AFMID: variants seen among roughly 807,000 people sequenced by gnomAD.
The protein encoded by AFMID is arylformamidase.
Under a neutral mutation model 47.5 loss-of-function variants are expected in AFMID, and 39 were observed. The observed-to-expected ratio is 0.82, with a 90% CI of 0.64 to 1.07. The LOEUF is 1.07. Among genes scored for constraint, AFMID ranks in the 50% least tolerant of loss-of-function variants. The pLI is 0.00. For synonymous variants in AFMID, 130 were observed against 153.2 expected, an observed-to-expected ratio of 0.85 and a Z score of 1.12; for missense variants, 375 against 387.5, an observed-to-expected ratio of 0.97 and a Z score of 0.27.
chr17:78,191,139 G>A, intron 2 of AFMID, 79 bp downstream of exon 2: 1 of 1,290,858 alleles, frequency 7.7e-7, no homozygotes, highest in Non-Finnish European at 1.1e-6. Context: ...GGGGTTGGGG[G>A]GGCTGTGCTG....
At chr17:78,193,370 CAAAAAAAAAAA>C (rs199993168) in intron 2 of AFMID, among the ~76,000 whole-genome samples, 20,343 of 68,614 alleles carry the variant, frequency 0.3, 1,852 homozygotes, top group Non-Finnish European at 0.42. Flanking sequence ...GACTCTGTCT[CAAAAAAAAAAA>C]AAAAAAAAAA....
At chr17:78,205,544 C>T (rs953353113) in intron 8 of AFMID, 26 bp downstream of exon 8, 2 of 1,614,164 alleles carry the variant, frequency 1.2e-6, no homozygotes, top group Admixed American at 1.7e-5. Context: ...ACCACCTCCC[C>T]TGGCTCACCA....
rs60780262 is a variant in AFMID, at chr17:78,206,338, C to CA, written c.885+310dup. Among the ~76,000 whole-genome samples, 603 of 103,826 alleles carry CA rather than the reference C, an allele frequency of 5.8e-3. 7 individuals carry two copies. Among genetic ancestry groups the CA allele is most frequent in the Middle Eastern group, 0.011 (2 of 174 alleles). The allele number at this position is 103,826 out of a possible 152,430, so 68.1% of individuals were successfully genotyped here. A position where few individuals can be genotyped will look rare whatever the true frequency, so the allele number is the denominator to read the frequency against. On this transcript the variant is annotated intron_variant, in intron 10 of 10. Transcript: ENST00000409257. ...TGAGCGACAGAGTAAGACTCTGTCT[C>CA]AAAAAAAAAAAAAAAAAAAAAAGAC...
chr17:78,192,310 C>CTTTTTTT (rs756391509), intron 2 of AFMID, among the ~76,000 whole-genome samples: 2 of 77,738 alleles, frequency 2.6e-5, no homozygotes, highest in South Asian at 4.6e-4. Context: ...CATGGCTGGA[C>CTTTTTTT]TTTTTTTTTT....
At chr17:78,202,104 A>G (rs1297132461) in intron 2 of AFMID, among the ~76,000 whole-genome samples, 1 of 151,524 alleles carries the variant, frequency 6.6e-6, no homozygotes, top group Non-Finnish European at 1.5e-5. Context: ...TTCAGCTGGA[A>G]TGTTTCTACC....
intron 1 of AFMID, among the ~76,000 whole-genome samples, chr17:78,189,533 T>G (rs1022444444): frequency 7.3e-5 from 11 of 150,924 alleles, no homozygotes; most frequent in Admixed American, 2.6e-4. Context: ...TTTTGTTTTT[T>G]TTTTTTTGAA....
intron 2 of AFMID, among the ~76,000 whole-genome samples, chr17:78,195,082 TGAGGTCCCTAGA>T (rs1310415855): frequency 6.6e-6 from 1 of 152,132 alleles, no homozygotes; most frequent in Non-Finnish European, 1.5e-5. Flanking sequence ...TTCATTTAAA[TGAGGTCCCTAGA>T]GAAGTCAAAT....
intron 7 of AFMID, 102 bp downstream of exon 7, chr17:78,205,292 A>T: frequency 7.0e-7 from 1 of 1,431,356 alleles, no homozygotes; most frequent in Middle Eastern, 1.8e-4. Flanking sequence ...GAGTGGCTTG[A>T]CCGCAGGGCT....
rs539855704 is a variant in AFMID, at chr17:78,201,526, G to A, written c.155-973G>A. Reference sequence around the variant, plus strand: ...CCCAGCTACTCAGGAGGCTGAGGCTGGAGGATTGCTTGGCGCCGGGAGTTT... The same window carrying A: ...CCCAGCTACTCAGGAGGCTGAGGCTAGAGGATTGCTTGGCGCCGGGAGTTT... On this transcript the variant is annotated intron_variant, in intron 2 of 10. Coordinates refer to ENST00000409257, the MANE Select transcript of AFMID (RefSeq NM_001010982.5). Among the ~76,000 whole-genome samples the A allele has an allele frequency of 3.2e-4, 48 of 152,162 alleles. 1 individual carries two copies. The highest frequency in any genetic ancestry group is 1.0e-3 in the African/African-American group (43 of 41,532).
At chr17:78,205,892 C>T in intron 9 of AFMID, 54 bp from the exon 10 acceptor site, 1 of 1,595,116 alleles carries the variant, frequency 6.3e-7, no homozygotes, top group Non-Finnish European at 8.6e-7. Context: ...CCATGTCCTG[C>T]CCCACCTCCC....
At chr17:78,198,780 G>T (rs1278932439) in intron 2 of AFMID, among the ~76,000 whole-genome samples, 1 of 152,146 alleles carries the variant, frequency 6.6e-6, no homozygotes, top group African/African-American at 2.4e-5. Context: ...GTGGGCTCCA[G>T]CTTGGGCGAC....
At chr17:78,204,355 G>A (rs2076320897) in intron 4 of AFMID, among the ~76,000 whole-genome samples, 2 of 152,230 alleles carry the variant, frequency 1.3e-5, no homozygotes, top group Middle Eastern at 3.4e-3. Context: ...CAGGAGGATC[G>A]CTTGAGCCCA....
intron 2 of AFMID, chr17:78,197,340 C>T: frequency 1.3e-6 from 1 of 775,004 alleles, no homozygotes; most frequent in Non-Finnish European, 2.0e-6. Flanking sequence ...AGAGTGCGTC[C>T]TACAGATGCT....
intron 2 of AFMID, among the ~76,000 whole-genome samples, chr17:78,193,952 G>T (rs1313859099): frequency 6.7e-6 from 1 of 149,852 alleles, no homozygotes; most frequent in Non-Finnish European, 1.5e-5. Flanking sequence ...CTCCAGCCTG[G>T]GCGACAGAGC....
intron 4 of AFMID, chr17:78,203,850 C>G (rs2076309579): frequency 6.6e-6 from 1 of 151,946 alleles, no homozygotes; most frequent in Non-Finnish European, 1.5e-5. Context: ...GTGGTGAAAC[C>G]CTGTCTCTAC....
chr17:78,193,620 G>A (rs544602183), intron 2 of AFMID, among the ~76,000 whole-genome samples: 1 of 151,592 alleles, frequency 6.6e-6, no homozygotes, highest in African/African-American at 2.4e-5. Flanking sequence ...GTCAAAGCAC[G>A]AGGATCCTTT....
intron 2 of AFMID, among the ~76,000 whole-genome samples, chr17:78,195,729 C>T (rs912039710): frequency 1.3e-5 from 2 of 151,846 alleles, no homozygotes; most frequent in East Asian, 1.9e-4. Flanking sequence ...CTGGAACTCC[C>T]GACCTCAGGT....
At chr17:78,202,815 C>T in intron 4 of AFMID, 64 bp downstream of exon 4, 1 of 1,540,796 alleles carries the variant, frequency 6.5e-7, no homozygotes, top group Non-Finnish European at 8.8e-7. Context: ...GGGACTCCTC[C>T]TCCAGGGCTG....
Position 78,205,475 on chromosome 17 carries a change from C to T in AFMID, c.601C>T (p.Pro201Ser). 1 of 1,614,190 alleles carries T rather than the reference C, an allele frequency of 6.2e-7. No individual in the cohort carries two copies. The highest frequency in any genetic ancestry group is 8.5e-7 in the Non-Finnish European group (1 of 1,180,036). The change falls in exon 8 of 11, where the codon CCC (proline) becomes TCC (serine). Residue 201 changes from proline to serine, a missense_variant. Coordinates refer to ENST00000409257, the MANE Select transcript of AFMID (RefSeq NM_001010982.5). ...FLVSGVFDLE[P>S]IVYTSQNVAL... is the part of the protein sequence containing the mutation. Reference sequence around the variant, plus strand: ...GGTGAGTGGGGTCTTTGACCTGGAGCCCATCGTGTATACTTCACAGAACGT... The same window carrying T: ...GGTGAGTGGGGTCTTTGACCTGGAGTCCATCGTGTATACTTCACAGAACGT...
Sources: allele counts gnomAD v4.1 joint callset (sites outside exome capture counted in the v4.1 genomes callset), GRCh38; gene constraint gnomAD v4.1.1; transcripts MANE v1.5; gene names NCBI Gene and HGNC (gene_info 2026-07-23, HGNC 2026-07-21).